KCND2: variants seen among roughly 807,000 people sequenced by gnomAD.
KCND2 encodes the protein potassium voltage-gated channel subfamily D member 2, also known as A-type voltage-gated potassium channel KCND2.
Under a neutral mutation model 54.4 loss-of-function variants are expected in KCND2, and 16 were observed. The ratio of observed to expected loss-of-function variants is 0.29; its 90% CI spans 0.20 to 0.45. The LOEUF (loss-of-function observed/expected upper bound fraction) is 0.45. KCND2 is among the 20% of genes least tolerant of loss of function. The probability of loss-of-function intolerance (pLI) is 1.00; values close to 1 mark genes in which losing one functional copy is unlikely to be tolerated. For missense variants in KCND2, 486 were observed against 824.2 expected, an observed-to-expected ratio of 0.59 and a Z score of 5.02; for synonymous variants, 317 against 310.7, an observed-to-expected ratio of 1.02 and a Z score of -0.21.
chr7:120,744,895 T>C (rs779239505), intron 4 of KCND2, among the ~76,000 whole-genome samples: 23 of 152,190 alleles, frequency 1.5e-4, no homozygotes, highest in Non-Finnish European at 5.9e-5. Flanking sequence ...TCCTTTATAT[T>C]TCTGAGGTGA....
chr7:120,504,522 G>A (rs1241970171), intron 1 of KCND2, among the ~76,000 whole-genome samples: 3 of 151,730 alleles, frequency 2.0e-5, no homozygotes, highest in African/African-American at 7.2e-5. Context: ...GCAGTTAATT[G>A]TTAGTTGGTT....
chr7:120,404,766 T>G (rs1017775858), intron 1 of KCND2, among the ~76,000 whole-genome samples: 1 of 103,214 alleles, frequency 9.7e-6, no homozygotes, highest in South Asian at 4.0e-4. Context: ...CACTGATTTT[T>G]GGGGGGGGAC....
chr7:120,745,731 T>A, intron 4 of KCND2, 49 bp from the exon 5 acceptor site: 1 of 1,609,462 alleles, frequency 6.2e-7, no homozygotes, highest in Non-Finnish European at 8.5e-7. Context: ...TATTTCGTTT[T>A]TAAAAATGTG....
intron 1 of KCND2, among the ~76,000 whole-genome samples, chr7:120,359,295 A>G (rs58100103): frequency 0.014 from 2,070 of 152,276 alleles, 47 homozygotes; most frequent in African/African-American, 0.044. Flanking sequence ...CTTATTCTGT[A>G]TATGTAATAA....
chr7:120,280,924 T>C (rs1384982874), intron 1 of KCND2, among the ~76,000 whole-genome samples: 2 of 152,106 alleles, frequency 1.3e-5, no homozygotes, highest in South Asian at 4.1e-4. Context: ...ATGTGACTCA[T>C]TCCACATTCC....
At chr7:120,390,000 G>A (rs1251534430) in intron 1 of KCND2, among the ~76,000 whole-genome samples, 1 of 151,814 alleles carries the variant, frequency 6.6e-6, no homozygotes, top group Non-Finnish European at 1.5e-5. Context: ...TTGGATAATG[G>A]ATAGAAATGA....
intron 1 of KCND2, among the ~76,000 whole-genome samples, chr7:120,574,591 A>C (rs551057700): frequency 6.6e-6 from 1 of 152,112 alleles, no homozygotes; most frequent in Non-Finnish European, 1.5e-5. Flanking sequence ...CTTCACTTCA[A>C]AATCATCTGG....
chr7:120,740,911 G>A (rs199701259), intron 2 of KCND2: 1 of 232,986 alleles, frequency 4.3e-6, no homozygotes, highest in Non-Finnish European at 7.2e-6. Context: ...TTGTTTATTT[G>A]TTTGTTTGTT....
intron 1 of KCND2, among the ~76,000 whole-genome samples, chr7:120,685,501 A>C (rs563192720): frequency 6.6e-6 from 1 of 152,182 alleles, no homozygotes; most frequent in African/African-American, 2.4e-5. Context: ...TCAGTGGCAA[A>C]ATTTGGTACT....
chr7:120,526,541 G>A (rs141753933), intron 1 of KCND2, among the ~76,000 whole-genome samples: 177 of 152,218 alleles, frequency 1.2e-3, no homozygotes, highest in African/African-American at 3.9e-3. Context: ...CTCCAAAGGA[G>A]ACAGATGGAA....
At chr7:120,582,665 A>T (rs1264852794) in intron 1 of KCND2, among the ~76,000 whole-genome samples, 2 of 152,176 alleles carry the variant, frequency 1.3e-5, no homozygotes, top group Non-Finnish European at 2.9e-5. Flanking sequence ...TATAGACCCA[A>T]GCAAATCTTT....
chr7:120,638,895 G>GGT, intron 1 of KCND2, among the ~76,000 whole-genome samples: 1 of 152,010 alleles, frequency 6.6e-6, no homozygotes, highest in Non-Finnish European at 1.5e-5. Context: ...GGATATATGT[G>GGT]GTGTGTGTGT....
At chr7:120,649,908 G>C (rs773364165) in intron 1 of KCND2, among the ~76,000 whole-genome samples, 7 of 152,186 alleles carry the variant, frequency 4.6e-5, no homozygotes, top group Non-Finnish European at 1.0e-4. Flanking sequence ...ATTCTGGGTT[G>C]AAAATTCTTT....
chr7:120,577,167 A>G (rs1055093554), intron 1 of KCND2, among the ~76,000 whole-genome samples: 1 of 152,016 alleles, frequency 6.6e-6, no homozygotes, highest in Admixed American at 6.6e-5. Flanking sequence ...TAATAATAAT[A>G]ATGGGACATT....
intron 1 of KCND2, among the ~76,000 whole-genome samples, chr7:120,707,959 T>G (rs1347673607): frequency 7.2e-5 from 11 of 152,076 alleles, no homozygotes; most frequent in Admixed American, 4.6e-4. Flanking sequence ...CAGTCAGAAC[T>G]GGAGCTTCAT....
chr7:120,614,676 A>G (rs1255715774), intron 1 of KCND2, among the ~76,000 whole-genome samples: 7 of 152,266 alleles, frequency 4.6e-5, no homozygotes, highest in Admixed American at 4.6e-4. Flanking sequence ...ACCAAGAGAT[A>G]TTAAGCATCA....
chr7:120,551,196 G>GA (rs1214123713), intron 1 of KCND2, among the ~76,000 whole-genome samples: 1 of 151,852 alleles, frequency 6.6e-6, no homozygotes, highest in Non-Finnish European at 1.5e-5. Flanking sequence ...AACAATTTAA[G>GA]AAAAAAATGA....
intron 1 of KCND2, among the ~76,000 whole-genome samples, chr7:120,391,217 T>G (rs1015971967): frequency 5.9e-5 from 9 of 152,104 alleles, no homozygotes; most frequent in African/African-American, 2.2e-4. Flanking sequence ...GATTTCCAGC[T>G]TCTTCCATGT....
At chr7:120,302,599 C>A (rs1799603063) in intron 1 of KCND2, among the ~76,000 whole-genome samples, 1 of 152,078 alleles carries the variant, frequency 6.6e-6, no homozygotes, top group South Asian at 2.1e-4. Flanking sequence ...ATTAAACACA[C>A]TATTAAAAGG....
Sources: gnomAD v4.1 joint callset for allele counts (sites outside exome capture counted in the v4.1 genomes callset) on GRCh38, gnomAD v4.1.1 for gene constraint, MANE v1.5 for transcripts, NCBI Gene and HGNC (gene_info 2026-07-23, HGNC 2026-07-21) for gene names.